The following TMPRSS11F variants were observed in gnomAD, a reference collection of about 807,000 sequenced individuals.
TMPRSS11F encodes the protein transmembrane serine protease 11F, also known as transmembrane protease serine 11F.
TMPRSS11F carries 47 observed loss-of-function variants against 60.2 expected under a neutral mutation model. The ratio of observed to expected loss-of-function variants is 0.78; its 90% CI spans 0.62 to 1.00. The LOEUF (loss-of-function observed/expected upper bound fraction) is 1.00, where lower values mean the gene tolerates loss of function less well. Ranked by LOEUF, TMPRSS11F falls within the 50% of genes least tolerant of loss-of-function variation. TMPRSS11F has a pLI of 0.00. For missense variants in TMPRSS11F, 519 were observed against 522.9 expected, an observed-to-expected ratio of 0.99 and a Z score of 0.07; for synonymous variants, 166 against 167.3, an observed-to-expected ratio of 0.99 and a Z score of 0.06.
At chr4:68,111,931 C>T (rs1422925925) in intron 1 of TMPRSS11F, among the ~76,000 whole-genome samples, 4 of 152,114 alleles carry the variant, frequency 2.6e-5, no homozygotes, top group Non-Finnish European at 4.4e-5. Context: ...ATAACTAAAA[C>T]CAATGATTTG....
intron 3 of TMPRSS11F, among the ~76,000 whole-genome samples, chr4:68,076,414 T>C (rs1723584716): frequency 6.6e-6 from 1 of 152,226 alleles, no homozygotes; most frequent in Non-Finnish European, 1.5e-5. Flanking sequence ...GCACTGCATA[T>C]TGGGTGTTTT....
At chr4:68,057,835 T>G (rs1723078718) in intron 9 of TMPRSS11F, among the ~76,000 whole-genome samples, 2 of 124,916 alleles carry the variant, frequency 1.6e-5, no homozygotes, top group African/African-American at 5.2e-5. Context: ...CATCAATGTG[T>G]GAAGAGATAA....
At chr4:68,117,952 T>C (rs1724559630) in intron 1 of TMPRSS11F, among the ~76,000 whole-genome samples, 2 of 152,162 alleles carry the variant, frequency 1.3e-5, no homozygotes, top group Admixed American at 1.3e-4. Context: ...CTAAAATAAG[T>C]CAAACTGAGA....
intron 1 of TMPRSS11F, among the ~76,000 whole-genome samples, chr4:68,129,386 A>T (rs1724775894): frequency 6.6e-6 from 1 of 151,946 alleles, no homozygotes; most frequent in African/African-American, 2.4e-5. Flanking sequence ...ATTCTAGTAG[A>T]CTCTCCTCTT....
At chr4:68,056,756 C>T (rs958406047) in intron 9 of TMPRSS11F, among the ~76,000 whole-genome samples, 6 of 151,888 alleles carry the variant, frequency 4.0e-5, no homozygotes, top group African/African-American at 1.5e-4. Flanking sequence ...AAGAACAGAG[C>T]TACAGGCCTT....
At chr4:68,127,615 G>C (rs1170167204) in intron 1 of TMPRSS11F, among the ~76,000 whole-genome samples, 1 of 151,994 alleles carries the variant, frequency 6.6e-6, no homozygotes, top group East Asian at 1.9e-4. Context: ...GCATTCAAAA[G>C]GACTTCAGGG....
chr4:68,094,545 A>G (rs1187658429), intron 2 of TMPRSS11F, among the ~76,000 whole-genome samples: 3 of 147,100 alleles, frequency 2.0e-5, no homozygotes, highest in East Asian at 4.0e-4. Context: ...AACTTAAAGT[A>G]TAATAATAAT....
At chr4:68,059,221 G>A in intron 9 of TMPRSS11F, 105 bp downstream of exon 9, 1 of 1,186,902 alleles carries the variant, frequency 8.4e-7, no homozygotes, top group Non-Finnish European at 1.2e-6. Context: ...AGTTCTCGGT[G>A]TAAGAGATGC....
chr4:68,118,110 T>A (rs1014259847), intron 1 of TMPRSS11F, among the ~76,000 whole-genome samples: 1 of 152,048 alleles, frequency 6.6e-6, no homozygotes, highest in African/African-American at 2.4e-5. Flanking sequence ...AAGACAGAAA[T>A]AACCAGGGTC....
intron 3 of TMPRSS11F, among the ~76,000 whole-genome samples, chr4:68,085,619 T>A (rs1181215650): frequency 6.6e-6 from 1 of 152,124 alleles, no homozygotes; most frequent in Non-Finnish European, 1.5e-5. Context: ...TTAAAAGGCA[T>A]ACAGTGGCAA....
At chr4:68,072,226 A>ATATATATATATATATATATCTTCC (rs61224244) in intron 5 of TMPRSS11F, 97 bp downstream of exon 5, 4 of 79,248 alleles carry the variant, frequency 5.0e-5, no homozygotes, top group African/African-American at 1.9e-4. Context: ...TCTTCCAAAA[A>ATATATATATATATATATATCTTCC]AAAAATATAT....
chr4:68,054,145 G>GA, intron 9 of TMPRSS11F, 78 bp from the exon 10 acceptor site: 2 of 1,338,040 alleles, frequency 1.5e-6, no homozygotes, highest in Non-Finnish European at 2.1e-6. Flanking sequence ...CGTTCACAGA[G>GA]AAAAAAGGAA....
chr4:68,091,400 C>A (rs1219782353), intron 2 of TMPRSS11F, among the ~76,000 whole-genome samples: 2 of 152,018 alleles, frequency 1.3e-5, no homozygotes, highest in African/African-American at 4.8e-5. Context: ...ATATTAAGTA[C>A]TTTTTGGTAA....
chr4:68,060,351 C>CAA (rs1347255741), intron 8 of TMPRSS11F, among the ~76,000 whole-genome samples: 4 of 121,566 alleles, frequency 3.3e-5, no homozygotes, highest in African/African-American at 1.2e-4. Flanking sequence ...ACTAAAAATA[C>CAA]AAAAAAAAAA....
intron 3 of TMPRSS11F, among the ~76,000 whole-genome samples, chr4:68,078,651 T>C (rs77461651): frequency 0.04 from 6,150 of 152,294 alleles, 371 homozygotes; most frequent in African/African-American, 0.13. Context: ...GGGAAGAAGA[T>C]GGTAACACAT....
intron 8 of TMPRSS11F, chr4:68,062,947 G>T: frequency 1.3e-6 from 1 of 772,398 alleles, no homozygotes; most frequent in Non-Finnish European, 2.3e-6. Flanking sequence ...GCAGGCTAAT[G>T]AGAATTTCTG....
chr4:68,075,578 G>A (rs961253052), intron 3 of TMPRSS11F, among the ~76,000 whole-genome samples: 1 of 151,938 alleles, frequency 6.6e-6, no homozygotes, highest in Admixed American at 6.6e-5. Flanking sequence ...GACTTGAACA[G>A]GTACTTAATA....
intron 1 of TMPRSS11F, among the ~76,000 whole-genome samples, chr4:68,101,379 A>G (rs1429621208): frequency 1.3e-5 from 2 of 152,222 alleles, no homozygotes; most frequent in Non-Finnish European, 2.9e-5. Flanking sequence ...ATAAAATAAC[A>G]AAGTGTTCAG....
Position 68,072,487 on chromosome 4 carries a change from C to T in TMPRSS11F, c.351-1G>A. ...AATATCCACACCTTGTTCATCTGGA[C>T]TGAAGAACAAAAAAGCAGATAAAAA... On this transcript the variant is annotated splice_acceptor_variant, in intron 4 of 9. Transcript: ENST00000356291. LOFTEE classifies it high-confidence loss of function. 3 of 1,501,440 alleles carry T rather than the reference C, an allele frequency of 2.0e-6. No homozygotes were observed. The highest frequency in any genetic ancestry group is 2.7e-6 in the Non-Finnish European group (3 of 1,119,984). The allele number at this position is 1,501,440 out of a possible 1,614,324, so 93.0% of individuals were successfully genotyped here. A position where few individuals can be genotyped will look rare whatever the true frequency, so the allele number is the denominator to read the frequency against.
Sources: allele counts gnomAD v4.1 joint callset (sites outside exome capture counted in the v4.1 genomes callset), GRCh38; gene constraint gnomAD v4.1.1; transcripts MANE v1.5; gene names NCBI Gene and HGNC (gene_info 2026-07-23, HGNC 2026-07-21).